Variants in PPP2R3A observed in about 807,000 individuals in gnomAD.
PPP2R3A encodes the protein protein phosphatase 2 regulatory subunit B''alpha.
In PPP2R3A, 80 loss-of-function variants were observed where a neutral mutation model predicts 106.9. The observed-to-expected ratio is 0.75, with a 90% confidence interval of 0.62 to 0.90. PPP2R3A has a LOEUF of 0.90. Among genes scored for constraint, PPP2R3A ranks in the 40% least tolerant of loss-of-function variants. The probability of loss-of-function intolerance (pLI) is 0.00; values close to 1 mark genes in which losing one functional copy is unlikely to be tolerated. For synonymous variants in PPP2R3A, 483 were observed against 468.3 expected, an observed-to-expected ratio of 1.03 and a Z score of -0.41; for missense variants, 1,386 against 1,350.4, an observed-to-expected ratio of 1.03 and a Z score of -0.41.
Position 136,001,481 on chromosome 3 carries a change from G to T in PPP2R3A, c.-18G>T. On this transcript the variant is annotated 5_prime_UTR_variant, in exon 2 of 14. Transcript: ENST00000264977. ...TTCTAGAAAGTTCCAAGTCCCACCA[G>T]TAAGTGGATTTGATATTATGGCAGC... The T allele has an allele frequency of 6.3e-7, 1 of 1,597,636 alleles. No homozygotes were observed. Among genetic ancestry groups the T allele is most frequent in the Non-Finnish European group, 8.6e-7 (1 of 1,169,038 alleles).
At chr3:136,140,442 T>TAAAAAAAAAAAAAAAAA (rs199699500) in intron 13 of PPP2R3A, among the ~76,000 whole-genome samples, 5 of 87,240 alleles carry the variant, frequency 5.7e-5, no homozygotes, top group African/African-American at 2.4e-4. Context: ...TGAGACTCTT[T>TAAAAAAAAAAAAAAAAA]AAAAAAAAAA....
At chr3:136,144,941 G>GT in intron 13 of PPP2R3A, 102 bp from the exon 14 acceptor site, 12 of 1,342,158 alleles carry the variant, frequency 8.9e-6, no homozygotes, top group Non-Finnish European at 1.1e-5. Flanking sequence ...GCAATTCAAG[G>GT]TACCTTTGTG....
intron 6 of PPP2R3A, among the ~76,000 whole-genome samples, chr3:136,076,677 G>C (rs561370176): frequency 6.6e-6 from 1 of 152,144 alleles, no homozygotes; most frequent in African/African-American, 2.4e-5. Flanking sequence ...GGCTGGGCGC[G>C]GTGGCTCACG....
chr3:136,115,888 AC>A (rs1937731722), intron 13 of PPP2R3A, among the ~76,000 whole-genome samples: 1 of 152,092 alleles, frequency 6.6e-6, no homozygotes, highest in Non-Finnish European at 1.5e-5. Context: ...TTCAGGAAAT[AC>A]AGAGAACACC....
intron 5 of PPP2R3A, among the ~76,000 whole-genome samples, chr3:136,054,513 T>G (rs1454053705): frequency 6.6e-6 from 1 of 152,146 alleles, no homozygotes; most frequent in African/African-American, 2.4e-5. Context: ...CACCTCGGCC[T>G]CCCAAAGTGC....
At chr3:136,044,570 C>CAAAAAAAAAAAAAAAAAAAA in intron 4 of PPP2R3A, among the ~76,000 whole-genome samples, 1 of 76,088 alleles carries the variant, frequency 1.3e-5, no homozygotes. Context: ...GACCCTGTCT[C>CAAAAAAAAAAAAAAAAAAAA]AAAAAAAAAA....
At chr3:136,056,942 A>C (rs1224915240) in intron 5 of PPP2R3A, among the ~76,000 whole-genome samples, 5 of 152,218 alleles carry the variant, frequency 3.3e-5, no homozygotes, top group Non-Finnish European at 5.9e-5. Context: ...AATACTCAGC[A>C]TCACTAATCA....
intron 13 of PPP2R3A, among the ~76,000 whole-genome samples, chr3:136,117,455 G>GA (rs1937814134): frequency 6.6e-6 from 1 of 151,840 alleles, no homozygotes; most frequent in South Asian, 2.1e-4. Context: ...CTGGTTTTTT[G>GA]AAAAAATCAA....
chr3:135,994,598 C>T (rs1024958376), intron 1 of PPP2R3A, among the ~76,000 whole-genome samples: 13 of 152,108 alleles, frequency 8.5e-5, no homozygotes, highest in African/African-American at 3.1e-4. Context: ...TGTCATTTAC[C>T]ATTCCTACTT....
At chr3:135,972,942 C>A (rs563955124) in intron 1 of PPP2R3A, among the ~76,000 whole-genome samples, 2 of 152,036 alleles carry the variant, frequency 1.3e-5, no homozygotes, top group Non-Finnish European at 2.9e-5. Flanking sequence ...GTTTTTAATT[C>A]GTGTGAAGTT....
chr3:136,123,126 T>G (rs1289138192), intron 13 of PPP2R3A, among the ~76,000 whole-genome samples: 1 of 152,176 alleles, frequency 6.6e-6, no homozygotes, highest in Admixed American at 6.5e-5. Flanking sequence ...GTTGTGGAAC[T>G]TAGTAAGCTA....
intron 13 of PPP2R3A, among the ~76,000 whole-genome samples, chr3:136,143,582 G>T (rs1355464901): frequency 6.6e-6 from 1 of 152,040 alleles, no homozygotes; most frequent in African/African-American, 2.4e-5. Context: ...TTGAGGTTAG[G>T]AGTTCAAGAC....
intron 3 of PPP2R3A, among the ~76,000 whole-genome samples, chr3:136,028,410 A>G (rs140921339): frequency 1.1e-4 from 16 of 152,364 alleles, no homozygotes; most frequent in African/African-American, 3.8e-4. Context: ...ATGAAAAACA[A>G]ACTCATTCCA....
intron 13 of PPP2R3A, among the ~76,000 whole-genome samples, chr3:136,133,953 A>G (rs191507695): frequency 2.0e-5 from 3 of 151,696 alleles, no homozygotes; most frequent in Non-Finnish European, 4.4e-5. Flanking sequence ...GGTAAAATCT[A>G]TGGTATGTAA....
chr3:136,034,182 C>T (rs571085369), intron 3 of PPP2R3A, among the ~76,000 whole-genome samples: 85 of 151,918 alleles, frequency 5.6e-4, no homozygotes, highest in Middle Eastern at 6.8e-3. Context: ...ACTACAGGTG[C>T]GCACTACTAC....
At position 136,110,427 on chromosome 3, in the gene PPP2R3A, G is replaced by T. The variant is rs145777020; in HGVS notation, c.3329+4105G>T. ...AAAAAAAAAATGCAGCCATTGGACTGAATAATAGAATGGAAAAAACTGAAA... is the reference window on the plus strand; with the variant it reads ...AAAAAAAAAATGCAGCCATTGGACTTAATAATAGAATGGAAAAAACTGAAA... On this transcript the variant is annotated intron_variant, in intron 13 of 13. Coordinates refer to ENST00000264977, the MANE Select transcript of PPP2R3A (RefSeq NM_002718.5). 2.0e-5 allele frequency among the ~76,000 whole-genome samples: 3 copies of T among 152,024 alleles called. No homozygotes were observed. The East Asian group carries it at 5.8e-4, about 29-fold the overall frequency.
chr3:136,043,913 A>G (rs1559885922), intron 4 of PPP2R3A, among the ~76,000 whole-genome samples: 1 of 152,224 alleles, frequency 6.6e-6, no homozygotes, highest in Non-Finnish European at 1.5e-5. Context: ...AGCCAGTAAC[A>G]CTGGCAGAAA....
intron 5 of PPP2R3A, among the ~76,000 whole-genome samples, chr3:136,066,636 G>C (rs1936269208): frequency 6.6e-6 from 1 of 152,118 alleles, no homozygotes; most frequent in Admixed American, 6.5e-5. Context: ...AGAAGGACAA[G>C]GGGGAAGCCA....
chr3:136,096,270 A>AGGCAC (rs1937214160), intron 10 of PPP2R3A, among the ~76,000 whole-genome samples: 1 of 152,242 alleles, frequency 6.6e-6, no homozygotes, highest in Admixed American at 6.5e-5. Context: ...AAAATGGAAC[A>AGGCAC]GGCACCACTT....
Sources: allele counts gnomAD v4.1 joint callset (sites outside exome capture counted in the v4.1 genomes callset), GRCh38; gene constraint gnomAD v4.1.1; transcripts MANE v1.5; gene names NCBI Gene and HGNC (gene_info 2026-07-23, HGNC 2026-07-21).